CDC73: variants seen among roughly 807,000 people sequenced by gnomAD.
CDC73 encodes parafibromin.
A neutral mutation model predicts 83.7 loss-of-function variants in CDC73; 21 were observed. The ratio of observed to expected loss-of-function variants is 0.25; its 90% CI spans 0.18 to 0.36. The LOEUF is 0.36. CDC73 is among the 10% of genes least tolerant of loss of function. CDC73 has a pLI of 1.00. For synonymous variants in CDC73, 224 were observed against 212.9 expected (o/e 1.05, Z -0.45); for missense variants, 342 against 653.3 (o/e 0.52, Z 5.19).
chr1:193,153,570 C>T (rs139017793), intron 10 of CDC73, among the ~76,000 whole-genome samples: 3 of 152,186 alleles, frequency 2.0e-5, no homozygotes, highest in East Asian at 1.9e-4. Flanking sequence ...TGGGCTTTTA[C>T]GTGTTTTACT....
intron 15 of CDC73, among the ~76,000 whole-genome samples, chr1:193,239,519 T>C (rs561759025): frequency 2.0e-5 from 3 of 152,216 alleles, no homozygotes; most frequent in Non-Finnish European, 2.9e-5. Context: ...TTTACAAATT[T>C]AGAATAAGTT....
In CDC73 at chr1:193,253,775, G is replaced by A. The variant is rs182545034; in HGVS notation, c.*3063G>A. On this transcript the variant is annotated 3_prime_UTR_variant, in exon 17 of 17. Transcript: ENST00000367435. ...ACAGTTTGCTTATGAAAGGAAAGTG[G>A]CATACTTTTAAATTGGTCTACACAG... The A allele has an allele frequency of 5.1e-4, 118 of 230,260 alleles. 2 individuals are homozygous for A. In the East Asian group the frequency reaches 7.2e-3, roughly 14 times the overall value. 14.3% of individuals were successfully genotyped at this position (230,260 alleles called of 1,614,324 possible).
At chr1:193,209,422 CTT>C (rs952007771) in intron 11 of CDC73, among the ~76,000 whole-genome samples, 2 of 152,126 alleles carry the variant, frequency 1.3e-5, no homozygotes, top group African/African-American at 4.8e-5. Context: ...ACTATTATCT[CTT>C]TTACGATTGA....
At chr1:193,154,481 A>T (rs1676174625) in intron 10 of CDC73, among the ~76,000 whole-genome samples, 1 of 152,212 alleles carries the variant, frequency 6.6e-6, no homozygotes, top group Non-Finnish European at 1.5e-5. Flanking sequence ...GAAAGAGGTG[A>T]ATTTAAGCAA....
chr1:193,194,703 A>C (rs562222990), intron 10 of CDC73, among the ~76,000 whole-genome samples: 2 of 152,240 alleles, frequency 1.3e-5, no homozygotes, highest in Non-Finnish European at 2.9e-5. Flanking sequence ...AAAACATTTC[A>C]ACTACATTCA....
intron 10 of CDC73, among the ~76,000 whole-genome samples, chr1:193,172,242 T>TC: frequency 6.6e-6 from 1 of 151,786 alleles, no homozygotes; most frequent in Middle Eastern, 3.4e-3. Flanking sequence ...GGTACCTTTT[T>TC]TTTTTTTTTT....
chr1:193,129,659 T>C lies in CDC73; in HGVS notation c.238-515T>C, dbSNP rs960472000. On this transcript the variant is annotated intron_variant, in intron 2 of 16. Transcript: ENST00000367435. ...TCCTGAGCAGCTGGGATTACAAGCA[T>C]GCTTCACCACACCCAGCTAATTTTT... Among the ~76,000 whole-genome samples the C allele has an allele frequency of 4.6e-5, 7 of 151,758 alleles. No homozygotes were observed. The East Asian group carries it at 1.4e-3, about 30-fold the overall frequency.
rs577493476 is a variant in CDC73 at position 193,187,110 on chromosome 1, C to T, written c.973-16685C>T. On this transcript the variant is annotated intron_variant, in intron 10 of 16. Transcript: ENST00000367435. ...TATCTTTGTAATTTAGATCCCCCCC[C>T]CCGTTTTCTGGGGTTTGTATAAATA... is the stretch of plus-strand genomic sequence containing the variant. Among the ~76,000 whole-genome samples the T allele has an allele frequency of 4.0e-4, 40 of 99,808 alleles. 13 individuals carry two copies. Among genetic ancestry groups the T allele is most frequent in the Non-Finnish European group, 6.7e-4 (31 of 46,556 alleles). 65.5% of individuals were successfully genotyped at this position (99,808 alleles called of 152,430 possible). A position where few individuals can be genotyped will look rare whatever the true frequency, so the allele number is the denominator to read the frequency against.
intron 10 of CDC73, among the ~76,000 whole-genome samples, chr1:193,155,820 T>C (rs991765068): frequency 2.1e-4 from 32 of 152,010 alleles, no homozygotes; most frequent in Non-Finnish European, 3.7e-4. Flanking sequence ...GATTTTGTGG[T>C]TCAGGAATCT....
chr1:193,132,591 G>T (rs1478682317), intron 3 of CDC73, among the ~76,000 whole-genome samples: 1 of 151,666 alleles, frequency 6.6e-6, no homozygotes, highest in African/African-American at 2.4e-5. Context: ...GGGATTGCAG[G>T]CATGAGCCAC....
intron 6 of CDC73, among the ~76,000 whole-genome samples, chr1:193,139,374 C>G (rs1675861888): frequency 6.6e-6 from 1 of 151,612 alleles, no homozygotes; most frequent in Admixed American, 6.6e-5. Flanking sequence ...TCAAGTGATT[C>G]TCCTGCCTCA....
chr1:193,219,071 A>G (rs1049147854), intron 13 of CDC73, among the ~76,000 whole-genome samples: 1 of 152,152 alleles, frequency 6.6e-6, no homozygotes, highest in Non-Finnish European at 1.5e-5. Context: ...AGTCCTGAGC[A>G]AAGGACACGA....
At chr1:193,149,203 A>G (rs958984618) in intron 8 of CDC73, among the ~76,000 whole-genome samples, 1 of 152,220 alleles carries the variant, frequency 6.6e-6, no homozygotes, top group Non-Finnish European at 1.5e-5. Flanking sequence ...AGTCTAATAC[A>G]GCAGTCCCCA....
chr1:193,174,720 C>G (rs1227121317), intron 10 of CDC73, among the ~76,000 whole-genome samples: 1 of 152,068 alleles, frequency 6.6e-6, no homozygotes, highest in Non-Finnish European at 1.5e-5. Flanking sequence ...AGTGTTCAGG[C>G]CAGTGTTCTA....
rs780485546 is a variant in CDC73 at position 193,212,382 on chromosome 1, C to T, written c.1067-8C>T. On this transcript the variant is annotated splice_region_variant and splice_polypyrimidine_tract_variant and intron_variant, in intron 12 of 16. Coordinates refer to ENST00000367435, the MANE Select transcript of CDC73 (RefSeq NM_024529.5). Reference sequence around the variant, plus strand: ...TATATTTTCTACCTGTAAATTTTGTCTTTATAGGATCTCGAACACCCATTA... The same window carrying T: ...TATATTTTCTACCTGTAAATTTTGTTTTTATAGGATCTCGAACACCCATTA... 5.2e-6 allele frequency: 8 copies of T among 1,547,098 alleles called. No individual in the cohort carries two copies. The African/African-American group carries it at 9.6e-5, about 18-fold the overall frequency.
At chr1:193,163,367 C>T (rs759119122) in intron 10 of CDC73, among the ~76,000 whole-genome samples, 1 of 151,606 alleles carries the variant, frequency 6.6e-6, no homozygotes, top group Non-Finnish European at 1.5e-5. Context: ...ATTAGCCGAG[C>T]GTAGTGGTAT....
At chr1:193,158,974 C>T (rs1676256718) in intron 10 of CDC73, among the ~76,000 whole-genome samples, 1 of 152,036 alleles carries the variant, frequency 6.6e-6, no homozygotes, top group African/African-American at 2.4e-5. Flanking sequence ...GTTAGATATG[C>T]ATTTTTCATA....
chr1:193,169,397 T>C (rs1182704076), intron 10 of CDC73, among the ~76,000 whole-genome samples: 3 of 152,070 alleles, frequency 2.0e-5, no homozygotes, highest in African/African-American at 7.2e-5. Flanking sequence ...ATACAAAAAT[T>C]AGCTGGGCGT....
intron 10 of CDC73, among the ~76,000 whole-genome samples, chr1:193,177,090 A>G (rs1052041166): frequency 1.3e-5 from 2 of 152,102 alleles, no homozygotes; most frequent in Non-Finnish European, 2.9e-5. Flanking sequence ...TGAAAATGGT[A>G]TGAAGCCTGG....
Sources: allele counts gnomAD v4.1 joint callset (sites outside exome capture counted in the v4.1 genomes callset), GRCh38; gene constraint gnomAD v4.1.1; transcripts MANE v1.5; gene names NCBI Gene and HGNC (gene_info 2026-07-23, HGNC 2026-07-21).